Variants in DAB1 observed in about 807,000 individuals in gnomAD.
DAB1 encodes DAB adaptor protein 1, also known as disabled homolog 1.
A neutral mutation model predicts 64.6 loss-of-function variants in DAB1; 15 were observed. The observed-to-expected ratio is 0.23, with a 90% CI of 0.16 to 0.36. DAB1 has a LOEUF of 0.36. DAB1 is among the 10% of genes least tolerant of loss of function. The pLI is 1.00. For synonymous variants in DAB1, 235 were observed against 251.9 expected, an observed-to-expected ratio of 0.93 and a Z score of 0.64; for missense variants, 596 against 706.7, an observed-to-expected ratio of 0.84 and a Z score of 1.78.
At chr1:58,341,225 G>T (rs1157165124) in intron 4 of DAB1, among the ~76,000 whole-genome samples, 1 of 152,080 alleles carries the variant, frequency 6.6e-6, no homozygotes. Context: ...CCAAAATTAG[G>T]CTCATCTCTC....
At chr1:58,132,721 T>A (rs1216749130) in intron 5 of DAB1, among the ~76,000 whole-genome samples, 1 of 152,090 alleles carries the variant, frequency 6.6e-6, no homozygotes, top group East Asian at 1.9e-4. Context: ...CCCTTCTACA[T>A]ATGGGAGAGC....
chr1:58,290,903 C>T (rs926908941), intron 4 of DAB1, among the ~76,000 whole-genome samples: 3 of 151,996 alleles, frequency 2.0e-5, no homozygotes, highest in Admixed American at 2.0e-4. Context: ...AGCTGCAGAC[C>T]CGAGGGTCAG....
At chr1:58,538,751 C>A in intron 1 of DAB1, 1 of 709,188 alleles carries the variant, frequency 1.4e-6, no homozygotes, top group Non-Finnish European at 2.4e-6. Context: ...AATATTAATG[C>A]AAAAAGTTAA....
intron 2 of DAB1, among the ~76,000 whole-genome samples, chr1:57,188,108 A>G (rs1038172224): frequency 6.6e-6 from 1 of 152,190 alleles, no homozygotes; most frequent in African/African-American, 2.4e-5. Flanking sequence ...CATAGCAAAG[A>G]ATAAAGTCTA....
chr1:57,364,885 C>A (rs1679847745), intron 1 of DAB1, among the ~76,000 whole-genome samples: 3 of 147,244 alleles, frequency 2.0e-5, no homozygotes, highest in African/African-American at 5.0e-5. Flanking sequence ...AGAGAAAGAC[C>A]TTAAGGAAAT....
chr1:58,007,460 A>G (rs1646602568), intron 5 of DAB1, among the ~76,000 whole-genome samples: 1 of 152,218 alleles, frequency 6.6e-6, no homozygotes, highest in Non-Finnish European at 1.5e-5. Context: ...ACAGATGTAG[A>G]CTTAATTCAG....
intron 5 of DAB1, among the ~76,000 whole-genome samples, chr1:57,938,218 A>G (rs1158587737): frequency 2.0e-5 from 3 of 152,224 alleles, no homozygotes; most frequent in African/African-American, 7.2e-5. Context: ...CTTCTGTACA[A>G]TAGGGATACT....
chr1:57,625,347 C>A (rs1645909464), intron 7 of DAB1, among the ~76,000 whole-genome samples: 2 of 152,034 alleles, frequency 1.3e-5, no homozygotes, highest in African/African-American at 4.8e-5. Flanking sequence ...GCCTCATGCC[C>A]CATCTCCCCC....
At chr1:57,432,444 A>G (rs1333057067) in intron 7 of DAB1, among the ~76,000 whole-genome samples, 2 of 152,186 alleles carry the variant, frequency 1.3e-5, no homozygotes, top group African/African-American at 4.8e-5. Flanking sequence ...AGATGGGTAA[A>G]CTGTGTATCA....
At chr1:57,552,283 T>C (rs1644923066) in intron 7 of DAB1, among the ~76,000 whole-genome samples, 1 of 152,172 alleles carries the variant, frequency 6.6e-6, no homozygotes, top group South Asian at 2.1e-4. Context: ...GTCAAATAAA[T>C]TCACTCAGCA....
chr1:58,192,932 T>C (rs746044223), intron 4 of DAB1, among the ~76,000 whole-genome samples: 11 of 152,216 alleles, frequency 7.2e-5, no homozygotes, highest in Non-Finnish European at 1.2e-4. Flanking sequence ...CAAAACAATG[T>C]GAATGTACAC....
rs557653065 is a variant in DAB1, at chr1:57,759,165, T to C, written n.552-109500A>G. Among the ~76,000 whole-genome samples the C allele has an allele frequency of 4.5e-4, 69 of 151,888 alleles. No homozygotes were observed. The South Asian group carries it at 0.014, about 31-fold the overall frequency. ...AGTTATAGACAAGCAGGTGGCAGTT[T>C]CATCATATTTCTTCCATTTTGTCAA... On this transcript the variant is annotated intron_variant and non_coding_transcript_variant, in intron 6 of 20. Transcript: ENST00000485760.
intron 5 of DAB1, among the ~76,000 whole-genome samples, chr1:57,895,607 A>G (rs1644381256): frequency 1.3e-5 from 2 of 152,332 alleles, no homozygotes; most frequent in South Asian, 4.1e-4. Flanking sequence ...TAAAATAAGA[A>G]GTAATTACTC....
intron 7 of DAB1, among the ~76,000 whole-genome samples, chr1:57,549,716 C>T (rs915576703): frequency 6.6e-6 from 1 of 152,174 alleles, no homozygotes; most frequent in African/African-American, 2.4e-5. Flanking sequence ...GATAATAGAC[C>T]TTATTCAGGT....
intron 3 of DAB1, among the ~76,000 whole-genome samples, chr1:58,361,200 G>T (rs1032744031): frequency 1.3e-5 from 2 of 152,030 alleles, no homozygotes; most frequent in African/African-American, 4.8e-5. Context: ...CTTGCCCCTG[G>T]GTCTGGCCTC....
chr1:57,488,232 T>A (rs1355981626), intron 7 of DAB1, among the ~76,000 whole-genome samples: 1 of 151,824 alleles, frequency 6.6e-6, no homozygotes, highest in East Asian at 1.9e-4. Flanking sequence ...TGAAACCCTG[T>A]CTCTACTAAA....
intron 2 of DAB1, among the ~76,000 whole-genome samples, chr1:57,275,583 G>T (rs186060416): frequency 1.3e-5 from 2 of 152,110 alleles, no homozygotes; most frequent in South Asian, 2.1e-4. Flanking sequence ...ACATTTCATC[G>T]CATTAAAACA....
Position 57,953,862 on chromosome 1 carries a change from C to T in DAB1, n.388-69700G>A, listed in dbSNP as rs1260673150. Reference sequence around the variant, plus strand: ...GGCCTTACCCTATGGCTACATGTCTCAATGGTTCAGATAACCATCCCTTCC... The same window carrying T: ...GGCCTTACCCTATGGCTACATGTCTTAATGGTTCAGATAACCATCCCTTCC... On this transcript the variant is annotated intron_variant and non_coding_transcript_variant, in intron 5 of 20. Transcript: ENST00000485760. Among the ~76,000 whole-genome samples, 10 of 152,232 alleles carry T rather than the reference C, an allele frequency of 6.6e-5. No homozygotes were observed. The South Asian group carries it at 1.9e-3, about 28-fold the overall frequency.
chr1:57,722,381 C>G (rs1488581794), intron 6 of DAB1, among the ~76,000 whole-genome samples: 1 of 152,154 alleles, frequency 6.6e-6, no homozygotes, highest in African/African-American at 2.4e-5. Context: ...CTGGGTTATT[C>G]CAGTAGCTTC....
Sources: gnomAD v4.1 joint callset for allele counts (sites outside exome capture counted in the v4.1 genomes callset) on GRCh38, gnomAD v4.1.1 for gene constraint, MANE v1.5 for transcripts, NCBI Gene and HGNC (gene_info 2026-07-23, HGNC 2026-07-21) for gene names.